PPM1D: variants seen among roughly 807,000 people sequenced by gnomAD.
The protein encoded by PPM1D is protein phosphatase, Mg2+/Mn2+ dependent 1D.
A neutral mutation model predicts 58.3 loss-of-function variants in PPM1D; 52 were observed. The ratio of observed to expected loss-of-function variants is 0.89; its 90% CI spans 0.71 to 1.12. The LOEUF (loss-of-function observed/expected upper bound fraction) is 1.12, where lower values mean the gene tolerates loss of function less well. PPM1D is among the 50% of genes most tolerant of loss of function. The pLI, the probability that PPM1D is intolerant of heterozygous loss-of-function variation, is 0.00. For synonymous variants in PPM1D, 278 were observed against 285.1 expected (o/e 0.98, Z 0.25); for missense variants, 564 against 777.2 (o/e 0.73, Z 3.26).
chr17:60,627,805 T>A (rs72843555), intron 2 of PPM1D, among the ~76,000 whole-genome samples: 1,606 of 152,296 alleles, frequency 0.011, 18 homozygotes, highest in South Asian at 0.026. Flanking sequence ...TCTTAAGGTA[T>A]CTGAAACTTT....
chr17:60,642,521 C>T (rs774250288), intron 3 of PPM1D, among the ~76,000 whole-genome samples: 1 of 151,828 alleles, frequency 6.6e-6, no homozygotes, highest in Non-Finnish European at 1.5e-5. Context: ...TGCAGTGGCG[C>T]GATCTCGGCT....
intron 3 of PPM1D, among the ~76,000 whole-genome samples, chr17:60,635,352 AT>A (rs1422673228): frequency 6.6e-6 from 1 of 151,936 alleles, no homozygotes; most frequent in East Asian, 1.9e-4. Flanking sequence ...AGTAGCTGGG[AT>A]TACAGGCATG....
intron 3 of PPM1D, among the ~76,000 whole-genome samples, chr17:60,642,134 T>C (rs982270941): frequency 6.6e-6 from 1 of 152,218 alleles, no homozygotes; most frequent in Non-Finnish European, 1.5e-5. Context: ...GATAGAATCA[T>C]ATAGACTCTT....
chr17:60,601,216 A>G (rs1185189060), intron 1 of PPM1D, among the ~76,000 whole-genome samples: 1 of 152,248 alleles, frequency 6.6e-6, no homozygotes, highest in Non-Finnish European at 1.5e-5. Context: ...GATTTTGGCC[A>G]AAAGATAAAT....
At chr17:60,630,180 T>A (rs1023403856) in intron 2 of PPM1D, among the ~76,000 whole-genome samples, 10 of 151,896 alleles carry the variant, frequency 6.6e-5, no homozygotes, top group Non-Finnish European at 1.3e-4. Flanking sequence ...CTCTAAAAAA[T>A]TTTTTTATAA....
At chr17:60,639,157 C>T (rs1160482525) in intron 3 of PPM1D, among the ~76,000 whole-genome samples, 1 of 151,962 alleles carries the variant, frequency 6.6e-6, no homozygotes, top group African/African-American at 2.4e-5. Flanking sequence ...TTCTTGTCAT[C>T]CAGGCTGGAG....
At chr17:60,619,068 C>T (rs921877647) in intron 1 of PPM1D, among the ~76,000 whole-genome samples, 3 of 152,156 alleles carry the variant, frequency 2.0e-5, no homozygotes, top group Non-Finnish European at 2.9e-5. Flanking sequence ...CCCTGGCAAC[C>T]GTCCTTCTAC....
intron 1 of PPM1D, among the ~76,000 whole-genome samples, chr17:60,611,816 A>C (rs2030461198): frequency 6.6e-6 from 1 of 152,128 alleles, no homozygotes; most frequent in African/African-American, 2.4e-5. Context: ...GATGTTTATT[A>C]ATGAACAGAA....
In PPM1D at chr17:60,645,494, A is replaced by G. The variant is rs12943509; in HGVS notation, c.827-2398A>G. Among the ~76,000 whole-genome samples, 327 of 79,528 alleles carry G rather than the reference A, an allele frequency of 4.1e-3. 2 individuals are homozygous for G. Among genetic ancestry groups the G allele is most frequent in the East Asian group, 5.8e-3 (14 of 2,430 alleles). The allele number at this position is 79,528 out of a possible 152,430, so 52.2% of individuals were successfully genotyped here. ...TGTGTGTGTGTGTGTGTGTGTGTGT[A>G]TGTGTATATATATATGTGTATATAT... On this transcript the variant is annotated intron_variant, in intron 3 of 5. Transcript: ENST00000305921.
At chr17:60,611,645 C>T (rs2030458163) in intron 1 of PPM1D, among the ~76,000 whole-genome samples, 1 of 152,076 alleles carries the variant, frequency 6.6e-6, no homozygotes, top group Non-Finnish European at 1.5e-5. Context: ...TCTCAAACTC[C>T]TGGCCTCAAG....
At chr17:60,630,750 G>A (rs916642786) in intron 2 of PPM1D, among the ~76,000 whole-genome samples, 1 of 152,086 alleles carries the variant, frequency 6.6e-6, no homozygotes, top group African/African-American at 2.4e-5. Flanking sequence ...ATTAAGTGTC[G>A]AGAGAGCTGC....
intron 2 of PPM1D, among the ~76,000 whole-genome samples, chr17:60,629,846 G>A (rs1333395402): frequency 2.6e-5 from 4 of 151,928 alleles, no homozygotes; most frequent in Non-Finnish European, 4.4e-5. Flanking sequence ...GAGACAAGCC[G>A]GGCCAACATG....
chr17:60,630,292 CTTGT>C (rs545975667), intron 2 of PPM1D, among the ~76,000 whole-genome samples: 74 of 151,888 alleles, frequency 4.9e-4, no homozygotes, highest in African/African-American at 9.6e-4. Flanking sequence ...ACTATTCTTT[CTTGT>C]TTGTTTTTTT....
At chr17:60,608,892 C>T (rs1267393204) in intron 1 of PPM1D, among the ~76,000 whole-genome samples, 5 of 151,614 alleles carry the variant, frequency 3.3e-5, no homozygotes, top group South Asian at 4.2e-4. Context: ...GGACTACAGG[C>T]GCCCGCCACC....
intron 2 of PPM1D, among the ~76,000 whole-genome samples, chr17:60,624,616 G>C (rs1468590511): frequency 6.6e-6 from 1 of 151,350 alleles, no homozygotes; most frequent in African/African-American, 2.4e-5. Context: ...GAGAAACCCC[G>C]TCGCTACTAA....
intron 5 of PPM1D, among the ~76,000 whole-genome samples, chr17:60,661,178 C>T (rs1048129416): frequency 2.2e-5 from 3 of 136,866 alleles, no homozygotes; most frequent in African/African-American, 8.9e-5. Flanking sequence ...AAGATTGTGC[C>T]ATTGCACTCC....
chr17:60,608,188 C>A (rs938565420), intron 1 of PPM1D, among the ~76,000 whole-genome samples: 1 of 151,932 alleles, frequency 6.6e-6, no homozygotes, highest in African/African-American at 2.4e-5. Context: ...TACTTTTGAT[C>A]CTTATTAGGT....
intron 1 of PPM1D, among the ~76,000 whole-genome samples, chr17:60,609,150 A>G (rs1038210322): frequency 6.7e-6 from 1 of 149,864 alleles, no homozygotes; most frequent in African/African-American, 2.5e-5. Flanking sequence ...CTGGAGTGCA[A>G]TGGCGTGATC....
intron 3 of PPM1D, among the ~76,000 whole-genome samples, chr17:60,634,377 C>T (rs894606064): frequency 6.6e-6 from 1 of 152,082 alleles, no homozygotes; most frequent in African/African-American, 2.4e-5. Flanking sequence ...TGCACTCCAG[C>T]CTGGGCGACA....
Sources: allele counts gnomAD v4.1 joint callset (sites outside exome capture counted in the v4.1 genomes callset), GRCh38; gene constraint gnomAD v4.1.1; transcripts MANE v1.5; gene names NCBI Gene and HGNC (gene_info 2026-07-23, HGNC 2026-07-21).